CMIP: variants seen among roughly 807,000 people sequenced by gnomAD.
CMIP encodes the protein C-Maf-inducing protein.
A neutral mutation model predicts 97.3 loss-of-function variants in CMIP; 13 were observed. That is an observed-to-expected ratio of 0.13 (90% CI 0.09 to 0.21). CMIP has a LOEUF of 0.21. Ranked by LOEUF, CMIP falls within the 10% of genes least tolerant of loss-of-function variation. The pLI, the probability that CMIP is intolerant of heterozygous loss-of-function variation, is 1.00. For missense variants in CMIP, 847 were observed against 1,024.9 expected (o/e 0.83, Z 2.37); for synonymous variants, 538 against 436.3 (o/e 1.23, Z -2.91).
At chr16:81,512,979 C>T (rs776943686) in intron 1 of CMIP, among the ~76,000 whole-genome samples, 5 of 152,182 alleles carry the variant, frequency 3.3e-5, no homozygotes, top group East Asian at 1.9e-4. Context: ...TCAAGCAATC[C>T]GCCCTCCTCA....
At chr16:81,595,681 G>A (rs1231200561) in intron 1 of CMIP, among the ~76,000 whole-genome samples, 5 of 152,118 alleles carry the variant, frequency 3.3e-5, no homozygotes, top group Non-Finnish European at 4.4e-5. Context: ...GAGCCACCAC[G>A]CCTAGCCCGC....
At chr16:81,672,708 T>C (rs771591159) in intron 9 of CMIP, among the ~76,000 whole-genome samples, 1 of 152,162 alleles carries the variant, frequency 6.6e-6, no homozygotes, top group Non-Finnish European at 1.5e-5. Context: ...CCCGAGTAGC[T>C]AGGACCACAG....
intron 20 of CMIP, 89 bp from the exon 21 acceptor site, chr16:81,709,657 C>T (rs1283939831): frequency 2.0e-6 from 3 of 1,471,614 alleles, no homozygotes; most frequent in Non-Finnish European, 2.8e-6. Context: ...GCAGAGACCC[C>T]CAGCCGGCAA....
chr16:81,670,447 G>C (rs1172078948), intron 8 of CMIP, among the ~76,000 whole-genome samples: 1 of 152,056 alleles, frequency 6.6e-6, no homozygotes, highest in Non-Finnish European at 1.5e-5. Flanking sequence ...CAGGTCCCAC[G>C]ACCCCTCAGG....
At chr16:81,478,157 C>G (rs1908043726) in intron 1 of CMIP, among the ~76,000 whole-genome samples, 1 of 152,120 alleles carries the variant, frequency 6.6e-6, no homozygotes, top group South Asian at 2.1e-4. Flanking sequence ...CTCCACTTCA[C>G]TCTTGGGAAG....
At chr16:81,625,965 G>A (rs1268477454) in intron 3 of CMIP, among the ~76,000 whole-genome samples, 1 of 152,280 alleles carries the variant, frequency 6.6e-6, no homozygotes, top group Non-Finnish European at 1.5e-5. Context: ...AAGCTGGCCT[G>A]TATTCCTGTC....
intron 8 of CMIP, 147 bp downstream of exon 8, chr16:81,670,392 A>G (rs2151040092): frequency 1.2e-6 from 1 of 817,416 alleles, no homozygotes; most frequent in East Asian, 2.8e-5. Flanking sequence ...ACGGTGCCCG[A>G]TAGGAACTCG....
chr16:81,645,840 A>G (rs2092358698), intron 3 of CMIP: 2 of 561,540 alleles, frequency 3.6e-6, no homozygotes, highest in East Asian at 5.9e-5. Context: ...TGTTTTATAT[A>G]TTATCTCATG....
intron 6 of CMIP, among the ~76,000 whole-genome samples, 176 bp downstream of exon 6, chr16:81,661,122 G>A (rs1354666944): frequency 2.0e-5 from 3 of 152,228 alleles, no homozygotes; most frequent in African/African-American, 7.2e-5. Context: ...CTACACCCAC[G>A]TCTCTGCCAG....
chr16:81,692,839 C>T (rs1163555429), intron 11 of CMIP, among the ~76,000 whole-genome samples: 1 of 152,192 alleles, frequency 6.6e-6, no homozygotes, highest in Non-Finnish European at 1.5e-5. Flanking sequence ...AATGAACACA[C>T]CTGGGTCTCC....
At chr16:81,451,150 GT>G (rs1906185465) in intron 1 of CMIP, among the ~76,000 whole-genome samples, 1 of 152,164 alleles carries the variant, frequency 6.6e-6, no homozygotes, top group Non-Finnish European at 1.5e-5. Flanking sequence ...ATCTTGAGTT[GT>G]AGCTCCCATA....
intron 3 of CMIP, among the ~76,000 whole-genome samples, chr16:81,638,631 C>A (rs1189896469): frequency 6.6e-6 from 1 of 152,038 alleles, no homozygotes; most frequent in African/African-American, 2.4e-5. Context: ...TGGAGAAGAA[C>A]CCGGCAGCTT....
chr16:81,477,752 C>T (rs1263422068), intron 1 of CMIP, among the ~76,000 whole-genome samples: 1 of 152,164 alleles, frequency 6.6e-6, no homozygotes, highest in African/African-American at 2.4e-5. Context: ...GGCCTAGGGC[C>T]CCTCCATGTG....
At chr16:81,594,794 T>C (rs975931728) in intron 1 of CMIP, among the ~76,000 whole-genome samples, 11 of 149,238 alleles carry the variant, frequency 7.4e-5, no homozygotes, top group Non-Finnish European at 1.6e-4. Context: ...TTTTTTTTTT[T>C]TTTTTTTTTG....
At position 81,711,229 on chromosome 16, in the gene CMIP, C is replaced by T. The variant is rs915591311; in HGVS notation, c.*1430C>T. 1 of 152,332 alleles carries T rather than the reference C, an allele frequency of 6.6e-6. No homozygotes were observed. Among genetic ancestry groups the T allele is most frequent in the Non-Finnish European group, 1.5e-5 (1 of 68,030 alleles). The allele number at this position is 152,332 out of a possible 1,614,324, so 9.4% of individuals were successfully genotyped here. A position where few individuals can be genotyped will look rare whatever the true frequency, so the allele number is the denominator to read the frequency against. ...TTCTGTTGGTTTAGCACAAATACTT[C>T]CCTCCTCCGGCACCTCCAAACCTAC... On this transcript the variant is annotated 3_prime_UTR_variant, in exon 21 of 21. Transcript: ENST00000537098.
chr16:81,637,086 T>C (rs2092246624), intron 3 of CMIP, among the ~76,000 whole-genome samples: 1 of 152,156 alleles, frequency 6.6e-6, no homozygotes, highest in African/African-American at 2.4e-5. Context: ...TTTATTTTTT[T>C]TGAGACAGAG....
intron 3 of CMIP, among the ~76,000 whole-genome samples, chr16:81,626,622 G>T (rs1284969445): frequency 2.8e-5 from 4 of 143,026 alleles, no homozygotes; most frequent in African/African-American, 1.0e-4. Flanking sequence ...TGTGTGTGTG[G>T]TGTGTGGGTG....
intron 1 of CMIP, among the ~76,000 whole-genome samples, chr16:81,537,043 C>T (rs1226904794): frequency 6.6e-6 from 1 of 152,158 alleles, no homozygotes; most frequent in Non-Finnish European, 1.5e-5. Context: ...ATGATTTTGT[C>T]TGGCATTTTT....
At chr16:81,653,773 C>T (rs1597201879) in intron 4 of CMIP, among the ~76,000 whole-genome samples, 1 of 152,314 alleles carries the variant, frequency 6.6e-6, no homozygotes, top group Admixed American at 6.5e-5. Context: ...CCACCATGCC[C>T]AGCTAATTTT....
Sources: allele counts gnomAD v4.1 joint callset (sites outside exome capture counted in the v4.1 genomes callset), GRCh38; gene constraint gnomAD v4.1.1; transcripts MANE v1.5; gene names NCBI Gene and HGNC (gene_info 2026-07-23, HGNC 2026-07-21).